LIN54: variants seen among roughly 807,000 people sequenced by gnomAD.
LIN54 encodes protein lin-54 homolog.
Under a neutral mutation model 78.7 loss-of-function variants are expected in LIN54, and 9 were observed. That is an observed-to-expected ratio of 0.11 (90% CI 0.07 to 0.20). The LOEUF is 0.20. Among genes scored for constraint, LIN54 ranks in the 10% least tolerant of loss-of-function variants. The pLI is 1.00. For missense variants in LIN54, 573 were observed against 889.9 expected (o/e 0.64, Z 4.53); for synonymous variants, 269 against 318.4 (o/e 0.84, Z 1.65).
intron 1 of LIN54, among the ~76,000 whole-genome samples, chr4:82,996,355 T>C (rs922633374): frequency 1.3e-5 from 2 of 152,056 alleles, no homozygotes; most frequent in Non-Finnish European, 2.9e-5. Context: ...TGTGAAGGTA[T>C]GGTAGAGAAA....
At chr4:83,005,621 T>A (rs1393116998) in intron 1 of LIN54, among the ~76,000 whole-genome samples, 1 of 137,124 alleles carries the variant, frequency 7.3e-6, no homozygotes, top group African/African-American at 2.7e-5. Flanking sequence ...CAAGACTCCA[T>A]CTCAGAAAAA....
chr4:83,011,739 G>A (rs72927139), upstream of LIN54, among the ~76,000 whole-genome samples: 2,702 of 147,400 alleles, frequency 0.018, 84 homozygotes, highest in African/African-American at 0.063. Flanking sequence ...AACCAAAAGA[G>A]AACAGAGGTA....
intron 1 of LIN54, among the ~76,000 whole-genome samples, chr4:82,994,424 G>A (rs944952608): frequency 6.6e-6 from 1 of 151,154 alleles, no homozygotes; most frequent in African/African-American, 2.4e-5. Context: ...TTGAGACAGA[G>A]TCTTGCCCTG....
chr4:82,995,313 A>T (rs1187206186), intron 1 of LIN54, among the ~76,000 whole-genome samples: 1 of 151,422 alleles, frequency 6.6e-6, no homozygotes, highest in African/African-American at 2.4e-5. Flanking sequence ...GGGGAAAAAA[A>T]TTAATTTAAT....
intron 5 of LIN54, among the ~76,000 whole-genome samples, chr4:82,942,868 A>G (rs1041776444): frequency 7.2e-4 from 30 of 41,562 alleles, no homozygotes; most frequent in Admixed American, 2.4e-3. Context: ...GCGCACACAC[A>G]CACACACACA....
intron 8 of LIN54, among the ~76,000 whole-genome samples, chr4:82,937,648 T>C (rs878956990): frequency 6.6e-6 from 1 of 152,160 alleles, no homozygotes; most frequent in Non-Finnish European, 1.5e-5. Context: ...AAAGTTGAGA[T>C]TGCCTCAAAA....
At chr4:82,987,539 C>A (rs1174193483) in intron 1 of LIN54, among the ~76,000 whole-genome samples, 1 of 152,112 alleles carries the variant, frequency 6.6e-6, no homozygotes, top group Non-Finnish European at 1.5e-5. Flanking sequence ...TGACCCCAAC[C>A]CCCCACCAGA....
chr4:82,977,229 C>T (rs1312089722), intron 3 of LIN54, among the ~76,000 whole-genome samples: 1 of 152,136 alleles, frequency 6.6e-6, no homozygotes, highest in Non-Finnish European at 1.5e-5. Flanking sequence ...TTAAAACACT[C>T]CTGGTTAAGC....
intron 4 of LIN54, among the ~76,000 whole-genome samples, chr4:82,964,208 A>T (rs1725029512): frequency 6.6e-6 from 1 of 151,924 alleles, no homozygotes; most frequent in Non-Finnish European, 1.5e-5. Context: ...GTGCCACCAC[A>T]CCTGGGTAAT....
chr4:82,939,951 C>T lies in LIN54; in HGVS notation c.1180G>A (p.Val394Ile), dbSNP rs772865802. Residue 394 changes from valine (V) to isoleucine (I), a missense_variant, in exon 6 of 13, where the codon GTT (valine) becomes ATT (isoleucine). Coordinates refer to ENST00000340417, the MANE Select transcript of LIN54 (RefSeq NM_194282.4). ...TQPLQQAKPV[V>I]VNTTPVRMSV... ...ATCCGCACTGGGGTTGTATTAACAA[C>T]CACTGGCTTTGCTTTTTAAAAAACA... 3 of 1,598,784 alleles carry T rather than the reference C, an allele frequency of 1.9e-6. No individual in the cohort carries two copies. The highest frequency in any genetic ancestry group is 2.3e-5 in the South Asian group (2 of 87,364).
chr4:82,933,125 G>A (rs1293283311), intron 11 of LIN54, among the ~76,000 whole-genome samples: 3 of 151,718 alleles, frequency 2.0e-5, no homozygotes, highest in Non-Finnish European at 4.4e-5. Flanking sequence ...GGGTTACTGT[G>A]AGCCTGAATG....
At chr4:83,005,382 A>C (rs1418514408) in intron 1 of LIN54, among the ~76,000 whole-genome samples, 1 of 152,182 alleles carries the variant, frequency 6.6e-6, no homozygotes, top group Non-Finnish European at 1.5e-5. Context: ...TCACGCCTGT[A>C]ATCCCAACAC....
intron 4 of LIN54, among the ~76,000 whole-genome samples, chr4:82,949,353 G>A (rs1341203960): frequency 6.6e-6 from 1 of 150,694 alleles, no homozygotes; most frequent in Non-Finnish European, 1.5e-5. Flanking sequence ...TTTTTTAATT[G>A]GGTTGTTTTT....
intron 1 of LIN54, among the ~76,000 whole-genome samples, chr4:83,003,718 G>A (rs977571015): frequency 6.6e-6 from 1 of 152,054 alleles, no homozygotes; most frequent in African/African-American, 2.4e-5. Context: ...TAGAGACGGG[G>A]TCTCGCCATG....
At chr4:82,947,236 T>TATA (rs1553949048) in intron 4 of LIN54, among the ~76,000 whole-genome samples, 3 of 4,468 alleles carry the variant, frequency 6.7e-4, no homozygotes, top group Non-Finnish European at 9.2e-4. Context: ...TATATATATA[T>TATA]TTTTTTTTTT....
At chr4:82,943,120 T>TAC (rs1723076950) in intron 5 of LIN54, among the ~76,000 whole-genome samples, 1 of 152,176 alleles carries the variant, frequency 6.6e-6, no homozygotes, top group Non-Finnish European at 1.5e-5. Context: ...TACTAACTAC[T>TAC]ACTTCAGTTT....
intron 3 of LIN54, among the ~76,000 whole-genome samples, chr4:82,974,026 C>A (rs13128446): frequency 6.6e-6 from 1 of 151,804 alleles, no homozygotes; most frequent in South Asian, 2.1e-4. Flanking sequence ...CTGGCTAACA[C>A]GGTGAAACCC....
chr4:82,936,479 A>C (rs1560719772), intron 9 of LIN54, 98 bp from the exon 10 acceptor site: 10 of 600,626 alleles, frequency 1.7e-5, no homozygotes, highest in South Asian at 1.3e-4. Context: ...CACATACTAC[A>C]TATGTGGTAA....
chr4:82,941,767 A>C (rs1453389506), intron 5 of LIN54, among the ~76,000 whole-genome samples: 3 of 152,206 alleles, frequency 2.0e-5, no homozygotes, highest in Non-Finnish European at 4.4e-5. Flanking sequence ...AGCGAAGAAA[A>C]TGTAAGTCAC....
Sources: allele counts gnomAD v4.1 joint callset (sites outside exome capture counted in the v4.1 genomes callset), GRCh38; gene constraint gnomAD v4.1.1; transcripts MANE v1.5; gene names NCBI Gene and HGNC (gene_info 2026-07-23, HGNC 2026-07-21).